Variants in LRRC27 observed in about 807,000 individuals in gnomAD.
The protein encoded by LRRC27 is leucine-rich repeat-containing protein 27.
A neutral mutation model predicts 55.0 loss-of-function variants in LRRC27; 57 were observed. The ratio of observed to expected loss-of-function variants is 1.04; its 90% CI spans 0.84 to 1.29. LRRC27 has a LOEUF of 1.29. LRRC27 is among the 50% of genes most tolerant of loss of function. LRRC27 has a pLI of 0.00. For synonymous variants in LRRC27, 278 were observed against 251.9 expected (o/e 1.10, Z -0.98); for missense variants, 721 against 651.5 (o/e 1.11, Z -1.16).
At chr10:132,361,178 G>A (rs988929313) in intron 8 of LRRC27, among the ~76,000 whole-genome samples, 2 of 152,162 alleles carry the variant, frequency 1.3e-5, no homozygotes, top group Admixed American at 6.5e-5. Context: ...GCAGCCTTCC[G>A]AGCTACCCCA....
upstream of LRRC27, chr10:132,331,415 A>T: frequency 6.3e-7 from 1 of 1,590,586 alleles, no homozygotes; most frequent in Non-Finnish European, 8.6e-7. Flanking sequence ...AATTCTCAAA[A>T]CCCTTCCTCA....
chr10:132,355,656 C>T lies in LRRC27; in HGVS notation c.1074-134C>T, dbSNP rs183360661. On this transcript the variant is annotated intron_variant, in intron 7 of 10. Transcript: ENST00000368614. Reference sequence around the variant, plus strand: ...AGAGGCTGTGGTTCAGACTCCCACCCGGAGGGCATGCACGCCCCCAGCCTG... The same window carrying T: ...AGAGGCTGTGGTTCAGACTCCCACCTGGAGGGCATGCACGCCCCCAGCCTG... The T allele has an allele frequency of 9.4e-4, 605 of 641,196 alleles. 1 individual carries two copies. The East Asian group carries it at 0.012, about 13-fold the overall frequency. The allele number at this position is 641,196 out of a possible 1,614,324, so 39.7% of individuals were successfully genotyped here. A position where few individuals can be genotyped will look rare whatever the true frequency, so the allele number is the denominator to read the frequency against.
intron 10 of LRRC27, among the ~76,000 whole-genome samples, chr10:132,371,167 C>G (rs1479445133): frequency 6.6e-6 from 1 of 152,264 alleles, no homozygotes; most frequent in Non-Finnish European, 1.5e-5. Flanking sequence ...GGCATCTGCG[C>G]AGTGCCGCGC....
chr10:132,369,080 G>T (rs928196778), intron 10 of LRRC27, among the ~76,000 whole-genome samples: 7 of 152,208 alleles, frequency 4.6e-5, no homozygotes, highest in Non-Finnish European at 5.9e-5. Flanking sequence ...AGAAATGCAA[G>T]TTAAGGAGAT....
upstream of LRRC27, chr10:132,332,160 C>G (rs2066800856): frequency 6.1e-6 from 1 of 164,992 alleles, no homozygotes; most frequent in African/African-American, 2.4e-5. Flanking sequence ...GTACCGGCGT[C>G]TCCATGGCGA....
At chr10:132,364,417 G>GCTTACATCTACCTCCACGCCCACA (rs2068843696) in intron 9 of LRRC27, among the ~76,000 whole-genome samples, 2 of 6,992 alleles carry the variant, frequency 2.9e-4, no homozygotes, top group African/African-American at 4.2e-4. Context: ...CCACACCCGC[G>GCTTACATCTACCTCCACGCCCACA]CTTACACCCA....
chr10:132,336,682 G>A (rs982618035), intron 2 of LRRC27: 4 of 694,960 alleles, frequency 5.8e-6, no homozygotes, highest in Non-Finnish European at 1.1e-5. Context: ...GCACAGAGAG[G>A]TTCAGGAACT....
intron 6 of LRRC27, chr10:132,351,363 G>A (rs552716822): frequency 1.7e-5 from 8 of 459,914 alleles, no homozygotes; most frequent in East Asian, 1.5e-4. Flanking sequence ...CAAGCGTCCC[G>A]GGAAAGTAGC....
chr10:132,374,953 C>T lies in LRRC27; in HGVS notation c.1417-113C>T, dbSNP rs1256047257. 2 of 1,193,548 alleles carry T rather than the reference C, an allele frequency of 1.7e-6. No individual in the cohort carries two copies. Among genetic ancestry groups the T allele is most frequent in the African/African-American group, 3.1e-5 (2 of 65,382 alleles). 73.9% of individuals were successfully genotyped at this position (1,193,548 alleles called of 1,614,324 possible). On this transcript the variant is annotated intron_variant, in intron 10 of 10. Coordinates refer to ENST00000368614, the MANE Select transcript of LRRC27 (RefSeq NM_030626.3). The surrounding 1 kb of genome is among the most constrained non-coding windows in gnomAD (Gnocchi z 4.4). ...AGGGGCCCCGGGGCAGCGGGGCTGG[C>T]TCTGCTGACGCCCACATGGCCTGGG...
At position 132,348,371 on chromosome 10, in the gene LRRC27, C is replaced by G; in HGVS notation, c.926+15C>G. ...CACGTTTTCAGGTAAAACTGAAAAG[C>G]AACGGGGGATTTTCTTGATCTTTGC... On this transcript the variant is annotated intron_variant, in intron 6 of 10. Transcript: ENST00000368614. The surrounding 1 kb of genome is among the most constrained non-coding windows in gnomAD (Gnocchi z 4.2). The G allele has an allele frequency of 6.3e-7, 1 of 1,597,802 alleles. No homozygotes were observed. Among genetic ancestry groups the G allele is most frequent in the Non-Finnish European group, 8.5e-7 (1 of 1,170,986 alleles).
intron 10 of LRRC27, among the ~76,000 whole-genome samples, chr10:132,368,649 TA>T (rs1389170016): frequency 6.6e-6 from 1 of 151,946 alleles, no homozygotes; most frequent in South Asian, 2.1e-4. Context: ...CCACAAAAAT[TA>T]ATTCAAAATG....
chr10:132,330,377 C>G, upstream of LRRC27: 6 of 708,456 alleles, frequency 8.5e-6, no homozygotes, highest in Middle Eastern at 4.6e-4. Context: ...CTTCCATCCC[C>G]TTCGCCACTC....
At chr10:132,331,937 C>CGCT, upstream of LRRC27, 1 of 591,164 alleles carries the variant, frequency 1.7e-6, no homozygotes, top group Non-Finnish European at 2.7e-6. Flanking sequence ...GCAAGCGCAA[C>CGCT]CCCCCGCCCC....
chr10:132,332,069 C>T (rs1479626384), upstream of LRRC27: 2 of 274,770 alleles, frequency 7.3e-6, no homozygotes, highest in Admixed American at 5.6e-5. Context: ...ACACGCACAC[C>T]CCCGCGCGCA....
In LRRC27 at chr10:132,364,605, G is replaced by A. The variant is rs370114726; in HGVS notation, c.1290-819G>A. On this transcript the variant is annotated intron_variant, in intron 9 of 10. Coordinates refer to ENST00000368614, the MANE Select transcript of LRRC27 (RefSeq NM_030626.3). ...GGGGCCCCACACTCAGGCAGTCCGCGTCCACGCTTACATCTACCTCCACGC... is the reference window on the plus strand; with the variant it reads ...GGGGCCCCACACTCAGGCAGTCCGCATCCACGCTTACATCTACCTCCACGC... Among the ~76,000 whole-genome samples the A allele has an allele frequency of 2.1e-3, 44 of 20,906 alleles. 9 individuals carry two copies. Among genetic ancestry groups the A allele is most frequent in the East Asian group, 8.6e-3 (6 of 696 alleles). 13.7% of individuals were successfully genotyped at this position (20,906 alleles called of 152,430 possible). A position where few individuals can be genotyped will look rare whatever the true frequency, so the allele number is the denominator to read the frequency against.
chr10:132,360,515 G>A (rs1247541152), intron 8 of LRRC27, among the ~76,000 whole-genome samples: 2 of 152,188 alleles, frequency 1.3e-5, no homozygotes, highest in Non-Finnish European at 2.9e-5. Context: ...TGCAGCCTGT[G>A]CCTTGCTTTA....
At chr10:132,366,003 A>C (rs1378310723) in intron 10 of LRRC27, among the ~76,000 whole-genome samples, 1 of 152,272 alleles carries the variant, frequency 6.6e-6, no homozygotes, top group Non-Finnish European at 1.5e-5. Context: ...TCCCAGAATT[A>C]CAGTTGGTCA....
At chr10:132,341,541 T>C (rs2067415391) in intron 3 of LRRC27, among the ~76,000 whole-genome samples, 1 of 152,220 alleles carries the variant, frequency 6.6e-6, no homozygotes, top group Non-Finnish European at 1.5e-5. Flanking sequence ...ATCCATGATA[T>C]ATTTTGGGCT....
Position 132,347,980 on chromosome 10 carries a change from C to T in LRRC27, c.554-4C>T, listed in dbSNP as rs1396189172. 1 of 1,593,926 alleles carries T rather than the reference C, an allele frequency of 6.3e-7. No homozygotes were observed. The highest frequency in any genetic ancestry group is 1.8e-5 in the Admixed American group (1 of 56,260). On this transcript the variant is annotated splice_region_variant and splice_polypyrimidine_tract_variant and intron_variant, in intron 5 of 10. Coordinates refer to ENST00000368614, the MANE Select transcript of LRRC27 (RefSeq NM_030626.3). ...GCTACTAAAGCGGTTTCTTACTCTC[C>T]CAGAGGCTCCACCGGTTAGAGAGAT...
Sources: allele counts gnomAD v4.1 joint callset (sites outside exome capture counted in the v4.1 genomes callset), GRCh38; gene constraint gnomAD v4.1.1; non-coding constraint Gnocchi (gnomAD v3.1); transcripts MANE v1.5; gene names NCBI Gene and HGNC (gene_info 2026-07-23, HGNC 2026-07-21).